AOPEP: variants seen among roughly 807,000 people sequenced by gnomAD.
AOPEP encodes aminopeptidase O.
Under a neutral mutation model 98.1 loss-of-function variants are expected in AOPEP, and 77 were observed. The observed-to-expected ratio is 0.78, with a 90% CI of 0.65 to 0.95. The LOEUF is 0.95. Ranked by LOEUF, AOPEP falls within the 40% of genes least tolerant of loss-of-function variation. The probability of loss-of-function intolerance (pLI) is 0.00; values close to 1 mark genes in which losing one functional copy is unlikely to be tolerated. For synonymous variants in AOPEP, 346 were observed against 365.3 expected (o/e 0.95, Z 0.60); for missense variants, 1,024 against 1,024.7 (o/e 1.00, Z 0.01).
At chr9:94,981,032 C>T (rs1564478185) in intron 11 of AOPEP, among the ~76,000 whole-genome samples, 1 of 152,226 alleles carries the variant, frequency 6.6e-6, no homozygotes, top group Non-Finnish European at 1.5e-5. Flanking sequence ...CCCAAATTTC[C>T]TGGCCTGGAA....
At chr9:95,071,133 G>A (rs2068458964) in intron 14 of AOPEP, among the ~76,000 whole-genome samples, 1 of 152,188 alleles carries the variant, frequency 6.6e-6, no homozygotes, top group Non-Finnish European at 1.5e-5. Flanking sequence ...CCTTATCCAA[G>A]ATGCTTGAGA....
chr9:94,759,044 A>C (rs1837678342), intron 1 of AOPEP, among the ~76,000 whole-genome samples: 1 of 152,208 alleles, frequency 6.6e-6, no homozygotes, highest in Admixed American at 6.5e-5. Context: ...ATAAATTTGA[A>C]AAATCTCCGT....
At chr9:95,022,681 A>T (rs2063551097) in intron 13 of AOPEP, among the ~76,000 whole-genome samples, 1 of 151,948 alleles carries the variant, frequency 6.6e-6, no homozygotes, top group Admixed American at 6.6e-5. Flanking sequence ...TGTCTATCTT[A>T]ATATGTTAGA....
chr9:94,783,401 C>G (rs1843711069), intron 3 of AOPEP, among the ~76,000 whole-genome samples: 1 of 152,252 alleles, frequency 6.6e-6, no homozygotes, highest in Non-Finnish European at 1.5e-5. Flanking sequence ...TTAGGCAATG[C>G]TGGTGCCCAG....
intron 3 of AOPEP, among the ~76,000 whole-genome samples, chr9:94,774,767 A>G (rs1269634534): frequency 6.6e-6 from 1 of 152,216 alleles, no homozygotes; most frequent in Non-Finnish European, 1.5e-5. Flanking sequence ...TTGTTGGTAC[A>G]TATCCCATAA....
At chr9:94,910,681 T>C (rs920659378) in intron 5 of AOPEP, among the ~76,000 whole-genome samples, 1 of 152,222 alleles carries the variant, frequency 6.6e-6, no homozygotes, top group Non-Finnish European at 1.5e-5. Flanking sequence ...TGCACTTTTA[T>C]ATGATGAGGT....
intron 10 of AOPEP, among the ~76,000 whole-genome samples, chr9:94,968,399 C>T (rs941709627): frequency 8.5e-5 from 13 of 152,110 alleles, no homozygotes; most frequent in Admixed American, 2.6e-4. Flanking sequence ...CAGGCATCCA[C>T]GATGCCTAAT....
chr9:95,147,276 G>GGCAA, the AOPEP span, among the ~76,000 whole-genome samples: 1 of 152,142 alleles, frequency 6.6e-6, no homozygotes, highest in African/African-American at 2.4e-5. Context: ...CCAGCACTTT[G>GGCAA]GGAGGCCGAG....
chr9:95,013,821 C>T (rs1274068037), intron 13 of AOPEP, among the ~76,000 whole-genome samples: 4 of 152,212 alleles, frequency 2.6e-5, no homozygotes, highest in African/African-American at 9.7e-5. Context: ...TGTCATCCTA[C>T]ATAAAGTCTC....
chr9:95,067,607 G>A (rs1376928876), intron 14 of AOPEP, among the ~76,000 whole-genome samples: 1 of 152,222 alleles, frequency 6.6e-6, no homozygotes, highest in Non-Finnish European at 1.5e-5. Context: ...AGAGTAGACT[G>A]TGTAGAATAG....
chr9:95,139,968 A>G, the AOPEP span, among the ~76,000 whole-genome samples: 1 of 151,746 alleles, frequency 6.6e-6, no homozygotes, highest in Non-Finnish European at 1.5e-5. Flanking sequence ...TAGTGACAGA[A>G]ACGCTAAGGT....
At chr9:95,045,810 C>T (rs2065813503) in intron 13 of AOPEP, among the ~76,000 whole-genome samples, 3 of 152,308 alleles carry the variant, frequency 2.0e-5, no homozygotes, top group South Asian at 2.1e-4. Flanking sequence ...CCTCATTAAA[C>T]GAACTTGAGG....
chr9:94,834,631 A>C (rs1018427624), intron 5 of AOPEP, among the ~76,000 whole-genome samples: 3 of 152,086 alleles, frequency 2.0e-5, no homozygotes, highest in Non-Finnish European at 4.4e-5. Context: ...TTTCTCTACT[A>C]AAAATCAAAA....
At chr9:94,873,304 A>G (rs867030329) in intron 5 of AOPEP, among the ~76,000 whole-genome samples, 22 of 152,324 alleles carry the variant, frequency 1.4e-4, no homozygotes, top group Middle Eastern at 3.4e-3. Context: ...CCAAGCTTCT[A>G]TTTTTACTTG....
chr9:94,896,084 C>T (rs1219245228), intron 5 of AOPEP, among the ~76,000 whole-genome samples: 1 of 152,044 alleles, frequency 6.6e-6, no homozygotes, highest in East Asian at 1.9e-4. Flanking sequence ...TGAAAGGAGG[C>T]AGCAAAATTA....
At chr9:94,922,617 T>TCTTC (rs1180168572) in intron 5 of AOPEP, among the ~76,000 whole-genome samples, 4 of 152,156 alleles carry the variant, frequency 2.6e-5, no homozygotes, top group Non-Finnish European at 4.4e-5. Flanking sequence ...TCTCTCAGTT[T>TCTTC]CTTCCTTCCT....
chr9:95,115,991 AAAGT>A, the AOPEP span, among the ~76,000 whole-genome samples: 2 of 152,222 alleles, frequency 1.3e-5, no homozygotes, highest in African/African-American at 2.4e-5. Context: ...ACTGTTTCCC[AAAGT>A]AATATACAGA....
At chr9:95,050,550 C>T (rs901852058) in intron 13 of AOPEP, among the ~76,000 whole-genome samples, 2 of 152,152 alleles carry the variant, frequency 1.3e-5, no homozygotes, top group South Asian at 2.1e-4. Context: ...CAGTACTCTC[C>T]ACACATTTTT....
At chr9:95,005,003 C>T (rs1172069866) in intron 11 of AOPEP, 155 bp from the exon 12 acceptor site, 4 of 171,352 alleles carry the variant, frequency 2.3e-5, no homozygotes, top group Admixed American at 6.7e-5. Flanking sequence ...TGATGCGGAC[C>T]CCGGGCGGGC....
Sources: gnomAD v4.1 joint callset for allele counts (sites outside exome capture counted in the v4.1 genomes callset) on GRCh38, gnomAD v4.1.1 for gene constraint, MANE v1.5 for transcripts, NCBI Gene and HGNC (gene_info 2026-07-23, HGNC 2026-07-21) for gene names.